TAF13: variants seen among roughly 807,000 people sequenced by gnomAD.
TAF13 encodes TATA-box binding protein associated factor 13, also known as transcription initiation factor TFIID subunit 13.
A neutral mutation model predicts 18.7 loss-of-function variants in TAF13; 9 were observed. The ratio of observed to expected loss-of-function variants is 0.48; its 90% CI spans 0.29 to 0.84. The LOEUF is 0.84. TAF13 is among the 40% of genes least tolerant of loss of function. The pLI, the probability that TAF13 is intolerant of heterozygous loss-of-function variation, is 0.08. For synonymous variants in TAF13, 49 were observed against 44.1 expected (o/e 1.11, Z -0.44); for missense variants, 105 against 146.5 (o/e 0.72, Z 1.46).
intron 2 of TAF13, among the ~76,000 whole-genome samples, chr1:109,070,217 CT>C (rs142649912): frequency 6.6e-6 from 1 of 151,934 alleles, no homozygotes; most frequent in South Asian, 2.1e-4. Flanking sequence ...TTGACGCTTT[CT>C]TTTTTTATTT....
intron 2 of TAF13, among the ~76,000 whole-genome samples, chr1:109,071,054 T>C (rs1207976870): frequency 6.6e-6 from 1 of 152,212 alleles, no homozygotes; most frequent in Admixed American, 6.6e-5. Flanking sequence ...CCTAGCACTT[T>C]GGGAGGCTGA....
chr1:109,066,257 T>C, intron 2 of TAF13, 25 bp from the exon 3 acceptor site: 7 of 1,547,304 alleles, frequency 4.5e-6, no homozygotes, highest in Non-Finnish European at 6.1e-6. Context: ...TCACTTACTT[T>C]TGTTTACTTT....
In TAF13 at chr1:109,064,705, A is replaced by G; in HGVS notation, c.205-12T>C. 6.9e-7 allele frequency: 1 copy of G among 1,439,214 alleles called. No homozygotes were observed. The highest frequency in any genetic ancestry group is 1.6e-5 in the South Asian group (1 of 61,584). The allele number at this position is 1,439,214 out of a possible 1,614,324, so 89.2% of individuals were successfully genotyped here. On this transcript the variant is annotated splice_polypyrimidine_tract_variant and intron_variant, in intron 3 of 3. Coordinates refer to ENST00000338366, the MANE Select transcript of TAF13 (RefSeq NM_005645.4). ...ATTGCCTTGTGAGTCTATTACAAAG[A>G]AACATATTACATTTAACTTTTTTAA...
intron 2 of TAF13, among the ~76,000 whole-genome samples, chr1:109,069,202 AGTGTGTGT>A (rs59365913): frequency 8.7e-5 from 13 of 150,214 alleles, no homozygotes; most frequent in Admixed American, 8.0e-4. Flanking sequence ...CAAGTGTGTG[AGTGTGTGT>A]GTGTGTGTGT....
intron 2 of TAF13, among the ~76,000 whole-genome samples, chr1:109,071,958 ATATATATATATATATAT>A (rs1664064311): frequency 3.3e-3 from 16 of 4,800 alleles, no homozygotes; most frequent in Admixed American, 0.02. Context: ...CAAAAAGAAA[ATATATATATATATATAT>A]ACACACATAT....
intron 2 of TAF13, among the ~76,000 whole-genome samples, chr1:109,073,022 T>C (rs1051950142): frequency 4.7e-5 from 7 of 150,284 alleles, no homozygotes; most frequent in Admixed American, 4.0e-4. Context: ...CGTGAGCCAC[T>C]GCACCCAGCT....
At chr1:109,075,812 T>C (rs1664168081) in intron 1 of TAF13, 109 bp downstream of exon 1, 3 of 1,437,178 alleles carry the variant, frequency 2.1e-6, no homozygotes, top group Non-Finnish European at 2.9e-6. Flanking sequence ...CCCCGAACTC[T>C]GTCCGCTGAA....
In TAF13 at chr1:109,068,343, G is replaced by A. The variant is rs186434989; in HGVS notation, c.107-2111C>T. ...AGTAGAGTCAGGGTTTTGCCACGTT[G>A]CCCAGATAGTCTTGAATTCCTGGCC... is the stretch of plus-strand genomic sequence containing the variant. On this transcript the variant is annotated intron_variant, in intron 2 of 3. Coordinates refer to ENST00000338366, the MANE Select transcript of TAF13 (RefSeq NM_005645.4). 2.3e-3 allele frequency among the ~76,000 whole-genome samples: 348 copies of A among 151,996 alleles called. 2 individuals carry two copies. Among genetic ancestry groups the A allele is most frequent in the African/African-American group, 7.9e-3 (328 of 41,472 alleles).
chr1:109,064,792 C>CTTA lies in TAF13; in HGVS notation c.205-102_205-100dup, dbSNP rs370951849. Reference sequence around the variant, plus strand: ...TTGCAAGTGAGGTAGAAGATTTTCTCTTATTATTATTATTATGGCTATTCA... The same window carrying CTTA: ...TTGCAAGTGAGGTAGAAGATTTTCTCTTATTATTATTATTATTATGGCTATTCA... On this transcript the variant is annotated intron_variant, in intron 3 of 3. Transcript: ENST00000338366. The CTTA allele has an allele frequency of 3.4e-4, 333 of 986,330 alleles. 1 individual carries two copies. The South Asian group carries it at 8.8e-3, about 26-fold the overall frequency. 61.1% of individuals were successfully genotyped at this position (986,330 alleles called of 1,614,324 possible).
intron 1 of TAF13, 77 bp downstream of exon 1, chr1:109,075,844 G>A: frequency 6.3e-7 from 1 of 1,593,944 alleles, no homozygotes; most frequent in Non-Finnish European, 8.6e-7. Context: ...AAGCAGACCC[G>A]ATCCTGAACT....
chr1:109,066,669 G>T (rs1347361711), intron 2 of TAF13, among the ~76,000 whole-genome samples: 2 of 152,124 alleles, frequency 1.3e-5, no homozygotes, highest in African/African-American at 4.8e-5. Flanking sequence ...TATTACCATA[G>T]GGGAAAAGAC....
At chr1:109,065,508 C>G (rs112262282) in intron 3 of TAF13, among the ~76,000 whole-genome samples, 5 of 146,480 alleles carry the variant, frequency 3.4e-5, no homozygotes, top group Admixed American at 2.7e-4. Flanking sequence ...CACACACACA[C>G]AAAAAATTGC....
intron 2 of TAF13, among the ~76,000 whole-genome samples, chr1:109,070,499 G>A (rs1247475004): frequency 1.3e-5 from 2 of 152,166 alleles, no homozygotes; most frequent in Admixed American, 1.3e-4. Context: ...TTATAGGCAT[G>A]AGCCACCGTG....
At chr1:109,075,430 T>A (rs1300832405) in intron 1 of TAF13, among the ~76,000 whole-genome samples, 1 of 152,198 alleles carries the variant, frequency 6.6e-6, no homozygotes, top group Non-Finnish European at 1.5e-5. Context: ...AAACTAATAT[T>A]TCCTATGCAT....
At chr1:109,067,586 G>A (rs1347086500) in intron 2 of TAF13, among the ~76,000 whole-genome samples, 1 of 152,128 alleles carries the variant, frequency 6.6e-6, no homozygotes, top group Non-Finnish European at 1.5e-5. Flanking sequence ...CTCCAGCCTG[G>A]GTGACAGAGG....
chr1:109,073,751 A>G (rs893646252), intron 2 of TAF13, among the ~76,000 whole-genome samples: 1 of 152,140 alleles, frequency 6.6e-6, no homozygotes, highest in Non-Finnish European at 1.5e-5. Context: ...TTGGCCTCCC[A>G]AAGTGCTGAG....
chr1:109,064,919 G>A (rs936762645), intron 3 of TAF13, among the ~76,000 whole-genome samples: 3 of 151,732 alleles, frequency 2.0e-5, no homozygotes, highest in African/African-American at 7.3e-5. Flanking sequence ...AAAATCTTAA[G>A]GACATGAAAG....
At chr1:109,074,278 C>T (rs967964849) in intron 2 of TAF13, among the ~76,000 whole-genome samples, 1 of 152,168 alleles carries the variant, frequency 6.6e-6, no homozygotes, top group African/African-American at 2.4e-5. Context: ...AACCTTACCC[C>T]CAACCCCGTG....
chr1:109,073,791 T>C (rs1664123787), intron 2 of TAF13, among the ~76,000 whole-genome samples: 1 of 152,140 alleles, frequency 6.6e-6, no homozygotes, highest in African/African-American at 2.4e-5. Context: ...TGCCACCCCG[T>C]CTAGGAATTG....
Sources: allele counts gnomAD v4.1 joint callset (sites outside exome capture counted in the v4.1 genomes callset), GRCh38; gene constraint gnomAD v4.1.1; transcripts MANE v1.5; gene names NCBI Gene and HGNC (gene_info 2026-07-23, HGNC 2026-07-21).